Variants in CFAP299 observed in about 807,000 individuals in gnomAD.
CFAP299 encodes cilia- and flagella-associated protein 299.
CFAP299 carries 21 observed loss-of-function variants against 27.0 expected under a neutral mutation model. That is an observed-to-expected ratio of 0.78 (90% confidence interval 0.55 to 1.12). The LOEUF (loss-of-function observed/expected upper bound fraction) is 1.12. Among genes scored for constraint, CFAP299 ranks in the 50% most tolerant of loss-of-function variants. The pLI is 0.00. For missense variants in CFAP299, 310 were observed against 276.6 expected, an observed-to-expected ratio of 1.12 and a Z score of -0.86; for synonymous variants, 104 against 98.1, an observed-to-expected ratio of 1.06 and a Z score of -0.36.
chr4:80,940,327 C>T (rs376727152), intron 4 of CFAP299, among the ~76,000 whole-genome samples: 2 of 152,296 alleles, frequency 1.3e-5, no homozygotes, highest in South Asian at 2.1e-4. Flanking sequence ...GTGTAAGCCT[C>T]TTGGGTACCA....
intron 2 of CFAP299, among the ~76,000 whole-genome samples, chr4:80,543,604 C>G (rs1030843720): frequency 1.2e-4 from 18 of 152,208 alleles, no homozygotes; most frequent in African/African-American, 4.1e-4. Flanking sequence ...GAAAGAATCT[C>G]AGACTCTGAA....
chr4:80,783,162 G>T (rs535127813), intron 3 of CFAP299, among the ~76,000 whole-genome samples: 81 of 152,202 alleles, frequency 5.3e-4, no homozygotes, highest in African/African-American at 1.7e-3. Context: ...ATCTCTGAAG[G>T]CTTGACTGAG....
At position 80,744,941 on chromosome 4, in the gene CFAP299, T is replaced by C. The variant is rs915666614; in HGVS notation, c.334-125052T>C. Among the ~76,000 whole-genome samples, 8 of 152,290 alleles carry C rather than the reference T, an allele frequency of 5.3e-5. No individual in the cohort carries two copies. The East Asian group carries it at 1.5e-3, about 29-fold the overall frequency. On this transcript the variant is annotated intron_variant, in intron 3 of 5. Transcript: ENST00000358105. ...CTTTGTTGTACAAGGTCCATACTCA[T>C]GTTCTGTGATCCATCCAGATACTAT...
At chr4:80,692,936 A>G (rs1720828598) in intron 3 of CFAP299, among the ~76,000 whole-genome samples, 1 of 152,156 alleles carries the variant, frequency 6.6e-6, no homozygotes, top group Admixed American at 6.5e-5. Context: ...GCCAAAAAAC[A>G]CATGAAAAAA....
Position 80,595,418 on chromosome 4 carries a change from C to A in CFAP299, c.333+12235C>A, listed in dbSNP as rs546432357. ...GTTTCACCTGCAATTACCATTCTTC[C>A]TCCTTTTGTTCTTCCACAAAGTAAG... On this transcript the variant is annotated intron_variant, in intron 3 of 5. Coordinates refer to ENST00000358105, the MANE Select transcript of CFAP299 (RefSeq NM_152770.3). Among the ~76,000 whole-genome samples, 36 of 152,212 alleles carry A rather than the reference C, an allele frequency of 2.4e-4. No homozygotes were observed. In the South Asian group the frequency reaches 7.1e-3, roughly 30 times the overall value.
At chr4:80,588,821 A>G (rs887284114) in intron 3 of CFAP299, among the ~76,000 whole-genome samples, 8 of 152,350 alleles carry the variant, frequency 5.3e-5, no homozygotes, top group African/African-American at 1.4e-4. Context: ...GGCATTTTTC[A>G]TAAGTGCTTT....
chr4:80,347,390 G>GTACA (rs1428601602), intron 1 of CFAP299, among the ~76,000 whole-genome samples: 1 of 151,682 alleles, frequency 6.6e-6, no homozygotes, highest in Non-Finnish European at 1.5e-5. Context: ...TTCCCATTCA[G>GTACA]TACAGCCCAC....
the CFAP299 span, among the ~76,000 whole-genome samples, chr4:80,330,678 T>C: frequency 6.6e-5 from 10 of 152,194 alleles, no homozygotes; most frequent in Non-Finnish European, 8.8e-5. Context: ...CTTCAAAATA[T>C]CTCTTTATCA....
chr4:80,861,518 C>T (rs867850183), intron 3 of CFAP299, among the ~76,000 whole-genome samples: 1 of 152,206 alleles, frequency 6.6e-6, no homozygotes, highest in Non-Finnish European at 1.5e-5. Flanking sequence ...ATGCTGGGAG[C>T]TGTAGACTGG....
intron 3 of CFAP299, among the ~76,000 whole-genome samples, chr4:80,806,860 C>T (rs1342117482): frequency 6.6e-6 from 1 of 152,124 alleles, no homozygotes; most frequent in African/African-American, 2.4e-5. Context: ...TCCTGTTAGA[C>T]AGTAGAAAAT....
intron 3 of CFAP299, among the ~76,000 whole-genome samples, chr4:80,857,865 C>A (rs970369167): frequency 2.0e-4 from 31 of 152,184 alleles, no homozygotes; most frequent in African/African-American, 7.0e-4. Context: ...GTCTAAAATT[C>A]TCTTTTTTTT....
intron 4 of CFAP299, among the ~76,000 whole-genome samples, chr4:80,902,905 A>T (rs1735001356): frequency 6.6e-6 from 1 of 152,000 alleles, no homozygotes; most frequent in Non-Finnish European, 1.5e-5. Flanking sequence ...TATATATACA[A>T]ACAAATCATA....
intron 4 of CFAP299, among the ~76,000 whole-genome samples, chr4:80,907,905 G>C (rs1262542294): frequency 1.3e-5 from 2 of 152,132 alleles, no homozygotes; most frequent in Admixed American, 1.3e-4. Context: ...TTCACCAAGA[G>C]CAACCTGCCA....
At position 80,504,983 on chromosome 4, in the gene CFAP299, T is replaced by C. The variant is rs185262194; in HGVS notation, c.243-78110T>C. Among the ~76,000 whole-genome samples, 596 of 148,688 alleles carry C rather than the reference T, an allele frequency of 4.0e-3. 7 individuals are homozygous for C. The highest frequency in any genetic ancestry group is 0.014 in the African/African-American group (575 of 40,846). ...TTCATCCCCCATTTTATATATATCA[T>C]TTATATATTGATATATAAAATCATT... On this transcript the variant is annotated intron_variant, in intron 2 of 5. Transcript: ENST00000358105.
chr4:80,469,862 T>C (rs1729895682), intron 2 of CFAP299, among the ~76,000 whole-genome samples: 2 of 152,132 alleles, frequency 1.3e-5, no homozygotes, highest in South Asian at 4.1e-4. Context: ...TTCATCCTTT[T>C]TCTTTAAAAA....
chr4:80,659,293 C>A (rs1302157890), intron 3 of CFAP299, among the ~76,000 whole-genome samples: 2 of 151,166 alleles, frequency 1.3e-5, no homozygotes, highest in African/African-American at 4.9e-5. Context: ...GTTTAAAATG[C>A]ATTAAGATGA....
chr4:80,829,100 C>T (rs1168820663), intron 3 of CFAP299, among the ~76,000 whole-genome samples: 1 of 151,824 alleles, frequency 6.6e-6, no homozygotes, highest in Non-Finnish European at 1.5e-5. Context: ...ACATTAAAAA[C>T]TTTTGTACAT....
At chr4:80,695,398 G>C (rs1721023756) in intron 3 of CFAP299, among the ~76,000 whole-genome samples, 1 of 152,010 alleles carries the variant, frequency 6.6e-6, no homozygotes, top group African/African-American at 2.4e-5. Context: ...CTCACATATA[G>C]TTCAGTGTGA....
At chr4:80,800,031 A>G (rs1212553745) in intron 3 of CFAP299, among the ~76,000 whole-genome samples, 1 of 54,340 alleles carries the variant, frequency 1.8e-5, no homozygotes, top group Non-Finnish European at 3.1e-5. Context: ...ATTATATATA[A>G]TATATAATAA....
Sources: allele counts gnomAD v4.1 joint callset (sites outside exome capture counted in the v4.1 genomes callset), GRCh38; gene constraint gnomAD v4.1.1; transcripts MANE v1.5; gene names NCBI Gene and HGNC (gene_info 2026-07-23, HGNC 2026-07-21).